PTPRC: variants seen among roughly 807,000 people sequenced by gnomAD.
PTPRC encodes receptor-type tyrosine-protein phosphatase C.
A neutral mutation model predicts 155.9 loss-of-function variants in PTPRC; 44 were observed. That is an observed-to-expected ratio of 0.28 (90% CI 0.22 to 0.36). The LOEUF (loss-of-function observed/expected upper bound fraction) is 0.36, where lower values mean the gene tolerates loss of function less well. Among genes scored for constraint, PTPRC ranks in the 10% least tolerant of loss-of-function variants. The pLI is 1.00. For missense variants in PTPRC, 1,401 were observed against 1,564.6 expected (o/e 0.90, Z 1.76); for synonymous variants, 525 against 533.1 (o/e 0.98, Z 0.21).
At chr1:198,754,482 C>A (rs184046166) in intron 32 of PTPRC, 78 bp downstream of exon 32, 3 of 1,486,340 alleles carry the variant, frequency 2.0e-6, no homozygotes, top group Non-Finnish European at 2.8e-6. Flanking sequence ...TTTCTTTTCT[C>A]CTCTCCTTTC....
chr1:198,679,787 A>T, intron 2 of PTPRC: 1 of 484,976 alleles, frequency 2.1e-6, no homozygotes, highest in Non-Finnish European at 3.7e-6. Context: ...ACCACCAGGA[A>T]ATGACGCCAT....
chr1:198,671,747 A>C (rs952463610), intron 2 of PTPRC, among the ~76,000 whole-genome samples: 4 of 152,212 alleles, frequency 2.6e-5, no homozygotes, highest in African/African-American at 7.2e-5. Flanking sequence ...TTGGTGAATT[A>C]TATCAGCTTC....
intron 3 of PTPRC, chr1:198,695,176 A>G (rs993967707): frequency 2.3e-6 from 2 of 882,132 alleles, no homozygotes; most frequent in Non-Finnish European, 2.7e-6. Flanking sequence ...TATTTATCAT[A>G]CTATTTCCAT....
At chr1:198,696,967 C>A (rs2102385469) in intron 4 of PTPRC, 58 bp downstream of exon 4, 1 of 1,402,458 alleles carries the variant, frequency 7.1e-7, no homozygotes, top group Non-Finnish European at 1.0e-6. Flanking sequence ...GAAAATTCTA[C>A]AGTTATCAGT....
At position 198,718,141 on chromosome 1, in the gene PTPRC, A is replaced by C. The variant is rs756334751; in HGVS notation, c.1498A>C (p.Ser500Arg). 6.2e-7 allele frequency: 1 copy of C among 1,613,820 alleles called. No homozygotes were observed. The highest frequency in any genetic ancestry group is 1.7e-5 in the Admixed American group (1 of 60,024). Residue 500 changes from serine to arginine, a missense_variant, in exon 14 of 33, where the codon AGT (serine) becomes CGT (arginine). Transcript: ENST00000442510. ...GACTGTCTCCATGACATCAGATAAT[A>C]GTATGCATGTCAAGTGTAGGCCTCC... ...NMTVSMTSDNSMHVKCRPPRD... is the reference protein window; with the variant it reads ...NMTVSMTSDNRMHVKCRPPRD...
intron 2 of PTPRC, chr1:198,680,060 C>T (rs1571823809): frequency 1.9e-5 from 9 of 475,684 alleles, no homozygotes; most frequent in East Asian, 1.4e-4. Flanking sequence ...AAGAACGCAG[C>T]GCGCAGCTGG....
intron 2 of PTPRC, among the ~76,000 whole-genome samples, chr1:198,682,557 T>C (rs1227557192): frequency 1.3e-5 from 2 of 152,228 alleles, no homozygotes; most frequent in Non-Finnish European, 2.9e-5. Flanking sequence ...ACACTCACTG[T>C]CCTAGCACTG....
intron 7 of PTPRC, chr1:198,703,791 T>C (rs532828900): frequency 1.3e-4 from 27 of 215,734 alleles, no homozygotes; most frequent in African/African-American, 5.1e-4. Context: ...GCTGCAGCAA[T>C]GGTGGTATCT....
chr1:198,696,975 A>G (rs1331300691), intron 4 of PTPRC, 66 bp downstream of exon 4: 1 of 1,368,332 alleles, frequency 7.3e-7, no homozygotes, highest in Non-Finnish European at 1.0e-6. Context: ...TACAGTTATC[A>G]GTACAACTTG....
chr1:198,747,467 A>G (rs1655185713), intron 26 of PTPRC, among the ~76,000 whole-genome samples: 1 of 151,794 alleles, frequency 6.6e-6, no homozygotes, highest in Non-Finnish European at 1.5e-5. Flanking sequence ...TCTTCAGAAG[A>G]GCATCTTCTG....
intron 22 of PTPRC, 137 bp downstream of exon 22, chr1:198,734,562 A>C (rs1280221914): frequency 6.7e-5 from 54 of 810,910 alleles, no homozygotes; most frequent in Non-Finnish European, 4.8e-5. Flanking sequence ...TTAACATTTA[A>C]TTTAAAATTT....
chr1:198,698,854 T>C (rs949805964), intron 4 of PTPRC, among the ~76,000 whole-genome samples: 1 of 151,998 alleles, frequency 6.6e-6, no homozygotes, highest in Non-Finnish European at 1.5e-5. Flanking sequence ...ACAATGAAAA[T>C]ACCCTTTAAA....
intron 23 of PTPRC, among the ~76,000 whole-genome samples, chr1:198,739,125 C>T (rs949651885): frequency 2.0e-5 from 3 of 151,294 alleles, no homozygotes; most frequent in African/African-American, 4.9e-5. Context: ...GAGAAAATCA[C>T]CTTCACTTAA....
Position 198,748,101 on chromosome 1 carries a change from T to TG in PTPRC, c.2848-8_2848-7insG. Reference sequence around the variant, plus strand: ...AAGGAGTTTTTCTGTTTTTTTTTTTTTTTTCAGAGACTTCCTTCATATAGG... The same window carrying TG: ...AAGGAGTTTTTCTGTTTTTTTTTTTTGTTTTCAGAGACTTCCTTCATATAGG... On this transcript the variant is annotated splice_region_variant and splice_polypyrimidine_tract_variant and intron_variant, in intron 26 of 32. Coordinates refer to ENST00000442510, the MANE Select transcript of PTPRC (RefSeq NM_002838.5). The TG allele has an allele frequency of 1.9e-6, 3 of 1,591,424 alleles. No individual in the cohort carries two copies. The highest frequency in any genetic ancestry group is 2.0e-4 in the Middle Eastern group (1 of 5,004).
At chr1:198,687,193 T>C (rs1330157018) in intron 2 of PTPRC, among the ~76,000 whole-genome samples, 1 of 152,116 alleles carries the variant, frequency 6.6e-6, no homozygotes, top group African/African-American at 2.4e-5. Flanking sequence ...AGGTTTTGCA[T>C]GTTTCCCAGA....
intron 3 of PTPRC, chr1:198,693,295 AAC>A: frequency 2.4e-6 from 1 of 417,494 alleles, no homozygotes; most frequent in Non-Finnish European, 3.2e-6. Flanking sequence ...AAGAAGGTCT[AAC>A]ACAATTTTAC....
intron 3 of PTPRC, chr1:198,692,791 G>A: frequency 2.2e-6 from 2 of 915,060 alleles, no homozygotes; most frequent in South Asian, 1.0e-4. Flanking sequence ...ATTTCTTTAA[G>A]AGTATGTTGC....
intron 23 of PTPRC, among the ~76,000 whole-genome samples, chr1:198,740,029 G>A (rs746890604): frequency 5.3e-5 from 8 of 151,602 alleles, no homozygotes; most frequent in Non-Finnish European, 1.2e-4. Flanking sequence ...AATGAAAATG[G>A]AAACACAACA....
chr1:198,755,926 T>C lies in PTPRC; in HGVS notation c.3666T>C (p.Tyr1222=). The C allele has an allele frequency of 1.2e-6, 2 of 1,611,672 alleles. No individual in the cohort carries two copies. Among genetic ancestry groups the C allele is most frequent in the South Asian group, 1.1e-5 (1 of 90,984 alleles). ...ACTAGGAGCAATATCAATTCCTATA[T>C]GACGTCATTGCCAGCACCTACCCTG... ...VSTFEQYQFL[Y]DVIASTYPAQ... The change falls in exon 33 of 33, where the codon TAT becomes TAC. Residue 1222 remains tyrosine, a synonymous_variant. Transcript: ENST00000442510.
Sources: gnomAD v4.1 joint callset for allele counts (sites outside exome capture counted in the v4.1 genomes callset) on GRCh38, gnomAD v4.1.1 for gene constraint, MANE v1.5 for transcripts, NCBI Gene and HGNC (gene_info 2026-07-23, HGNC 2026-07-21) for gene names.